TOP1MT: variants seen among roughly 807,000 people sequenced by gnomAD.
TOP1MT encodes DNA topoisomerase I mitochondrial.
Under a neutral mutation model 73.9 loss-of-function variants are expected in TOP1MT, and 80 were observed. That is an observed-to-expected ratio of 1.08 (90% confidence interval 0.90 to 1.30). The LOEUF is 1.30. Among genes scored for constraint, TOP1MT ranks in the 50% most tolerant of loss-of-function variants. The pLI is 0.00. For missense variants in TOP1MT, 815 were observed against 808.0 expected (o/e 1.01, Z -0.10); for synonymous variants, 338 against 326.4 (o/e 1.04, Z -0.38).
rs199510738 is a variant in TOP1MT at position 143,341,854 on chromosome 8, CCTT to C, written c.29+1363_29+1365del. On this transcript the variant is annotated intron_variant, in intron 2 of 5. Coordinates refer to the TOP1MT transcript ENST00000518007. This position sits in a 1 kb window ranked among gnomAD's most constrained non-coding sequence, Gnocchi z 4.1. ...TCTTCCTCTTCTTCCTCCTCCTCCT[CCTT>C]CCTCTTTCTCCTCCCCCTTCTTCTT... Among the ~76,000 whole-genome samples, 5,309 of 150,284 alleles carry C rather than the reference CCTT, an allele frequency of 0.035. 120 individuals are homozygous for C. Among genetic ancestry groups the C allele is most frequent in the African/African-American group, 0.059 (2,328 of 39,590 alleles).
chr8:143,356,321 C>T (rs1195162813), upstream of TOP1MT, among the ~76,000 whole-genome samples: 1 of 152,252 alleles, frequency 6.6e-6, no homozygotes, highest in African/African-American at 2.4e-5. Flanking sequence ...AGTCCCCACA[C>T]CTAACTCCAG....
upstream of TOP1MT, among the ~76,000 whole-genome samples, chr8:143,345,405 G>A (rs72701743): frequency 0.046 from 7,076 of 152,302 alleles, 217 homozygotes; most frequent in Middle Eastern, 0.088. Flanking sequence ...ATGCCAGCCC[G>A]AGGCGTCTGC....
At chr8:143,335,641 C>T (rs924602613), upstream of TOP1MT, among the ~76,000 whole-genome samples, 22 of 152,262 alleles carry the variant, frequency 1.4e-4, no homozygotes, top group African/African-American at 4.8e-4. Flanking sequence ...CAGGCCACAC[C>T]GCTCACCTCT....
intron 3 of TOP1MT, chr8:143,327,807 G>C (rs1205858740): frequency 2.4e-6 from 1 of 415,644 alleles, no homozygotes; most frequent in Non-Finnish European, 4.8e-6. Flanking sequence ...AGGGGACAAG[G>C]AAGCACAGGC....
upstream of TOP1MT, among the ~76,000 whole-genome samples, chr8:143,346,615 TAAAAAAGA>T (rs1563773196): frequency 6.6e-6 from 1 of 152,010 alleles, no homozygotes; most frequent in Non-Finnish European, 1.5e-5. Flanking sequence ...GACCTCATCT[TAAAAAAGA>T]GAAAAAGAGA....
At chr8:143,347,958 G>A (rs1817256716), upstream of TOP1MT, among the ~76,000 whole-genome samples, 1 of 152,204 alleles carries the variant, frequency 6.6e-6, no homozygotes, top group South Asian at 2.1e-4. Flanking sequence ...GGAGGGTGAG[G>A]AGGGGTGGCT....
upstream of TOP1MT, among the ~76,000 whole-genome samples, chr8:143,357,207 G>A (rs150064437): frequency 8.7e-4 from 131 of 151,044 alleles, no homozygotes; most frequent in African/African-American, 3.0e-3. Context: ...TTCTAGACTA[G>A]GCTGGGCAAC....
Position 143,341,713 on chromosome 8 carries a change from G to C in TOP1MT, c.29+1507C>G, listed in dbSNP as rs1322786392. 6.6e-6 allele frequency among the ~76,000 whole-genome samples: 1 copy of C among 152,168 alleles called. No homozygotes were observed. The highest frequency in any genetic ancestry group is 2.4e-5 in the African/African-American group (1 of 41,442). ...CCCAACTCCGGAGCAGGTGCAGGCC[G>C]CAACAGGCCATACTGCCAGCGTCCA... On this transcript the variant is annotated intron_variant, in intron 2 of 5. Coordinates refer to the TOP1MT transcript ENST00000518007. The surrounding 1 kb of genome is among the most constrained non-coding windows in gnomAD (Gnocchi z 4.1).
chr8:143,321,884 G>A (rs1394602124), intron 7 of TOP1MT, among the ~76,000 whole-genome samples: 11 of 42,114 alleles, frequency 2.6e-4, no homozygotes, highest in East Asian at 1.0e-3. Flanking sequence ...CCACACGCAC[G>A]CCACACACAG....
At chr8:143,334,690 C>A in intron 1 of TOP1MT, 50 bp downstream of exon 1, 1 of 1,594,786 alleles carries the variant, frequency 6.3e-7, no homozygotes, top group South Asian at 1.1e-5. Flanking sequence ...CTGGACCTAC[C>A]CAAGCCCGGT....
At position 143,310,183 on chromosome 8, in the gene TOP1MT, GCTTCTCCAGGAGCCGCCTCTT is replaced by G; in HGVS notation, c.1567_1587del (p.Lys523_Lys529del). 6.2e-7 allele frequency: 1 copy of G among 1,600,658 alleles called. No individual in the cohort carries two copies. The highest frequency in any genetic ancestry group is 8.5e-7 in the Non-Finnish European group (1 of 1,173,740). On this transcript the variant is annotated inframe_deletion, in exon 13 of 14. Transcript: ENST00000329245. ...CTCAGCTGCGCCAGCTGCTCCTGCA[GCTTCTCCAGGAGCCGCCTCTT>G]CTTCTCCAGGACACTGGCAAGAGAA...
rs373519488 is a variant in TOP1MT, at chr8:143,324,608, C to A, written c.693G>T (p.Pro231=). The A allele has an allele frequency of 6.2e-7, 1 of 1,613,344 alleles. No individual in the cohort carries two copies. The highest frequency in any genetic ancestry group is 1.7e-5 in the Admixed American group (1 of 59,958). ...NCSRDSKIPE[P]PAGHQWKEVR... Reference sequence around the variant, plus strand: ...CCTCCTTCCACTGGTGCCCCGCCGGCGGCTCGGGGATCTTCGAGTCCCTGC... The same window carrying A: ...CCTCCTTCCACTGGTGCCCCGCCGGAGGCTCGGGGATCTTCGAGTCCCTGC... The change falls in exon 6 of 14, where the codon CCG becomes CCT. Residue 231 remains proline (P), a synonymous_variant. Transcript: ENST00000329245.
At chr8:143,342,807 C>CA (rs1218707063) in intron 2 of TOP1MT, among the ~76,000 whole-genome samples, 1 of 41,508 alleles carries the variant, frequency 2.4e-5, no homozygotes, top group East Asian at 7.9e-4. Flanking sequence ...TTATTAGAGA[C>CA]AGAGTCTCGC....
upstream of TOP1MT, among the ~76,000 whole-genome samples, chr8:143,338,870 G>A (rs1033158204): frequency 5.9e-5 from 9 of 152,202 alleles, no homozygotes; most frequent in Non-Finnish European, 1.2e-4. Context: ...TGGGGTTGGC[G>A]GCCTCCTCCC....
chr8:143,348,446 C>T (rs781520649), upstream of TOP1MT, among the ~76,000 whole-genome samples: 3 of 152,152 alleles, frequency 2.0e-5, no homozygotes, highest in Non-Finnish European at 4.4e-5. This position sits in a 1 kb window ranked among gnomAD's most constrained non-coding sequence, Gnocchi z 4.6. Flanking sequence ...CCACACTCAC[C>T]TGACAGACAC....
intron 5 of TOP1MT, 113 bp from the exon 6 acceptor site, chr8:143,324,742 C>G (rs1294146231): frequency 3.0e-6 from 4 of 1,351,836 alleles, no homozygotes; most frequent in Middle Eastern, 2.2e-4. Flanking sequence ...GGTGGCATGG[C>G]TCCTGACCGA....
upstream of TOP1MT, among the ~76,000 whole-genome samples, chr8:143,337,764 AG>A (rs1817006423): frequency 6.6e-6 from 1 of 152,222 alleles, no homozygotes; most frequent in African/African-American, 2.4e-5. Flanking sequence ...TAGGAGTTAA[AG>A]AAAAGGCAGA....
At chr8:143,348,595 G>C (rs1415527715), upstream of TOP1MT, among the ~76,000 whole-genome samples, 103 of 147,960 alleles carry the variant, frequency 7.0e-4, no homozygotes, top group Admixed American at 6.8e-3. This position sits in a 1 kb window ranked among gnomAD's most constrained non-coding sequence, Gnocchi z 4.6. Flanking sequence ...TACTCACTGA[G>C]AGCTGGGGGG....
intron 3 of TOP1MT, among the ~76,000 whole-genome samples, chr8:143,326,781 G>A (rs190673057): frequency 2.0e-5 from 3 of 152,340 alleles, no homozygotes; most frequent in Non-Finnish European, 4.4e-5. Context: ...TCTGGTGAAC[G>A]TGACGGGATT....
Sources: allele counts gnomAD v4.1 joint callset (sites outside exome capture counted in the v4.1 genomes callset), GRCh38; gene constraint gnomAD v4.1.1; non-coding constraint Gnocchi (gnomAD v3.1); transcripts MANE v1.5; gene names NCBI Gene and HGNC (gene_info 2026-07-23, HGNC 2026-07-21).